The following REDIC1 variants were observed in gnomAD, a reference collection of about 807,000 sequenced individuals.
The protein encoded by REDIC1 is regulator of DNA class I crossover intermediates 1.
At chr12:39,860,497 T>C in the REDIC1 span, among the ~76,000 whole-genome samples, 35 of 152,324 alleles carry the variant, frequency 2.3e-4, no homozygotes, top group Admixed American at 2.0e-3. Context: ...TCTAGAACTC[T>C]CCTCCAACTA....
chr12:39,776,532 A>G, the REDIC1 span, among the ~76,000 whole-genome samples: 11 of 152,218 alleles, frequency 7.2e-5, no homozygotes, highest in Non-Finnish European at 1.6e-4. Context: ...TTGAAAGAGG[A>G]TAGAGTGACA....
At chr12:39,820,986 C>T in the REDIC1 span, among the ~76,000 whole-genome samples, 2 of 151,882 alleles carry the variant, frequency 1.3e-5, no homozygotes, top group African/African-American at 4.8e-5. Flanking sequence ...CTGCAGTGTT[C>T]CCCAAACTTC....
the REDIC1 span, among the ~76,000 whole-genome samples, chr12:39,728,800 T>TC: frequency 2.0e-5 from 3 of 148,466 alleles, no homozygotes; most frequent in South Asian, 6.4e-4. Flanking sequence ...TTTTTTTTTT[T>TC]GGTTGGTAGG....
the REDIC1 span, among the ~76,000 whole-genome samples, chr12:39,720,141 TA>T: frequency 9.2e-5 from 14 of 151,914 alleles, no homozygotes; most frequent in East Asian, 1.9e-4. Context: ...AAAAAGTTCT[TA>T]AAAAAAGTTC....
the REDIC1 span, among the ~76,000 whole-genome samples, chr12:39,859,259 A>C: frequency 6.8e-6 from 1 of 146,372 alleles, no homozygotes; most frequent in African/African-American, 2.6e-5. Flanking sequence ...ATGTTCAAGA[A>C]GCAAAAAACA....
the REDIC1 span, chr12:39,716,795 C>G: frequency 6.2e-7 from 1 of 1,602,438 alleles, no homozygotes; most frequent in East Asian, 2.3e-5. Flanking sequence ...ACTAGTTACT[C>G]TCCAAGACCA....
chr12:39,641,633 C>T, the REDIC1 span, among the ~76,000 whole-genome samples: 1 of 151,532 alleles, frequency 6.6e-6, no homozygotes, highest in African/African-American at 2.4e-5. Flanking sequence ...GTATAAGCTA[C>T]ATATAATTAA....
the REDIC1 span, among the ~76,000 whole-genome samples, chr12:39,652,361 T>C: frequency 6.6e-6 from 1 of 152,182 alleles, no homozygotes; most frequent in East Asian, 1.9e-4. Context: ...CCATTAACAA[T>C]GTATGAACAT....
chr12:39,858,135 G>A, the REDIC1 span, among the ~76,000 whole-genome samples: 2 of 152,168 alleles, frequency 1.3e-5, no homozygotes, highest in East Asian at 3.9e-4. Context: ...TCCATGACAG[G>A]TGGACAGAAT....
the REDIC1 span, among the ~76,000 whole-genome samples, chr12:39,635,982 T>C: frequency 1.3e-5 from 2 of 152,154 alleles, no homozygotes; most frequent in East Asian, 3.9e-4. Flanking sequence ...TTGATGAAAA[T>C]ATGTTAAATG....
chr12:39,763,096 C>T, the REDIC1 span, among the ~76,000 whole-genome samples: 12 of 151,878 alleles, frequency 7.9e-5, no homozygotes, highest in East Asian at 3.9e-4. Flanking sequence ...TCAGTAAATA[C>T]GAGGAAATAT....
At chr12:39,700,587 C>A in the REDIC1 span, among the ~76,000 whole-genome samples, 4 of 152,054 alleles carry the variant, frequency 2.6e-5, no homozygotes, top group African/African-American at 7.2e-5. Context: ...AGAGATAATG[C>A]CACAAAAGAT....
the REDIC1 span, among the ~76,000 whole-genome samples, chr12:39,868,977 A>G: frequency 1.3e-5 from 2 of 152,202 alleles, no homozygotes; most frequent in South Asian, 2.1e-4. Flanking sequence ...CACTATTTTT[A>G]GTCCAATATA....
At chr12:39,691,325 A>G in the REDIC1 span, among the ~76,000 whole-genome samples, 1 of 152,210 alleles carries the variant, frequency 6.6e-6, no homozygotes, top group African/African-American at 2.4e-5. Flanking sequence ...TTATATATCT[A>G]AAATTCTATA....
At chr12:39,838,138 A>G in the REDIC1 span, among the ~76,000 whole-genome samples, 2 of 147,936 alleles carry the variant, frequency 1.4e-5, no homozygotes, top group African/African-American at 2.5e-5. Context: ...TGGCACATAT[A>G]CACCATGGAA....
At chr12:39,748,737 G>A in the REDIC1 span, among the ~76,000 whole-genome samples, 3 of 152,114 alleles carry the variant, frequency 2.0e-5, no homozygotes, top group African/African-American at 7.2e-5. Context: ...CCACAGTGCA[G>A]CCAAACTAGA....
the REDIC1 span, among the ~76,000 whole-genome samples, chr12:39,833,467 G>GGAAC: frequency 2.0e-5 from 3 of 151,746 alleles, no homozygotes; most frequent in African/African-American, 7.3e-5. Context: ...CCCTCTCTAT[G>GGAAC]GAACCTTCAT....
the REDIC1 span, among the ~76,000 whole-genome samples, chr12:39,727,833 C>T: frequency 2.6e-5 from 4 of 152,136 alleles, no homozygotes; most frequent in African/African-American, 4.8e-5. Flanking sequence ...TTTCCTAGAG[C>T]AGTGGTTTGT....
the REDIC1 span, among the ~76,000 whole-genome samples, chr12:39,855,790 G>T: frequency 1.3e-5 from 2 of 152,100 alleles, no homozygotes; most frequent in Admixed American, 1.3e-4. Context: ...CATTGTTCTA[G>T]TCTTCTAATT....
Sources: allele counts gnomAD v4.1 joint callset (sites outside exome capture counted in the v4.1 genomes callset), GRCh38; gene constraint gnomAD v4.1.1; transcripts MANE v1.5; gene names NCBI Gene and HGNC (gene_info 2026-07-23, HGNC 2026-07-21).